Variants in ODF2L observed in about 807,000 individuals in gnomAD.
ODF2L encodes the protein protein BCAP.
A neutral mutation model predicts 86.3 loss-of-function variants in ODF2L; 76 were observed. That is an observed-to-expected ratio of 0.88 (90% CI 0.73 to 1.07). The LOEUF (loss-of-function observed/expected upper bound fraction) is 1.07. ODF2L is among the 50% of genes least tolerant of loss of function. The pLI is 0.00. For missense variants in ODF2L, 748 were observed against 717.4 expected (o/e 1.04, Z -0.49); for synonymous variants, 241 against 231.3 (o/e 1.04, Z -0.38).
chr1:86,380,138 A>G (rs1660464313), intron 7 of ODF2L, among the ~76,000 whole-genome samples: 1 of 152,150 alleles, frequency 6.6e-6, no homozygotes. Flanking sequence ...TTAGAAAGCC[A>G]TTTTAATTTT....
Position 86,382,893 on chromosome 1 carries a change from T to C in ODF2L, c.507+38A>G, listed in dbSNP as rs368164829. ...GGAAAAAAAAGGGAGTCAATATTAA[T>C]ATAATGAATTAAGCTCAAAAGCTCA... On this transcript the variant is annotated intron_variant, in intron 6 of 17. Coordinates refer to ENST00000317336, the Ensembl canonical transcript of ODF2L. 327 of 977,040 alleles carry C rather than the reference T, an allele frequency of 3.3e-4. 6 individuals carry two copies. In the South Asian group the frequency reaches 4.3e-3, roughly 13 times the overall value. The allele number at this position is 977,040 out of a possible 1,614,324, so 60.5% of individuals were successfully genotyped here.
intron 11 of ODF2L, among the ~76,000 whole-genome samples, chr1:86,362,468 G>C (rs896981179): frequency 1.3e-5 from 2 of 151,390 alleles, no homozygotes; most frequent in African/African-American, 4.9e-5. Flanking sequence ...TTCAAAAATT[G>C]TTTGTAGACA....
At chr1:86,374,616 T>G (rs940122512) in intron 8 of ODF2L, among the ~76,000 whole-genome samples, 1 of 152,176 alleles carries the variant, frequency 6.6e-6, no homozygotes, top group African/African-American at 2.4e-5. Context: ...TCTCTCGTAC[T>G]TTCCAAATCC....
At chr1:86,352,706 T>A (rs1230079342) in intron 17 of ODF2L, among the ~76,000 whole-genome samples, 153 bp downstream of exon 16, 1 of 152,164 alleles carries the variant, frequency 6.6e-6, no homozygotes, top group African/African-American at 2.4e-5. Context: ...ATTTGGCATA[T>A]CATAACATTT....
In ODF2L at chr1:86,383,139, T is replaced by C. The variant is rs769989132; in HGVS notation, c.430A>G (p.Asn144Asp). 4 of 1,562,596 alleles carry C rather than the reference T, an allele frequency of 2.6e-6. No homozygotes were observed. In the African/African-American group the frequency reaches 5.5e-5, roughly 21 times the overall value. The change falls in exon 5 of 18, where the codon AAT (asparagine) becomes GAT (aspartate). Residue 144 changes from asparagine (N) to aspartate (D), a missense_variant. Transcript: ENST00000317336. ...GTAAGTGTGGAAAGACTTACAGTATTTTCACTTTCATTATCAGTTAGATTT... is the reference window on the plus strand; with the variant it reads ...GTAAGTGTGGAAAGACTTACAGTATCTTCACTTTCATTATCAGTTAGATTT...
intron 1 of ODF2L, among the ~76,000 whole-genome samples, chr1:86,388,361 T>C (rs1283040829): frequency 1.3e-5 from 2 of 152,098 alleles, no homozygotes. Flanking sequence ...TCAGTTGCAA[T>C]AGCTATCCCC....
Position 86,382,835 on chromosome 1 carries a change from T to C in ODF2L, c.507+96A>G. The C allele has an allele frequency of 4.3e-6, 3 of 694,926 alleles. No individual in the cohort carries two copies. In the East Asian group the frequency reaches 7.8e-5, roughly 18 times the overall value. 43.0% of individuals were successfully genotyped at this position (694,926 alleles called of 1,614,324 possible). A position where few individuals can be genotyped will look rare whatever the true frequency, so the allele number is the denominator to read the frequency against. ...AATCTAGAATTTCAAAACACTTTTCTGTGTTTATTTCTGAGGAGTTGGGGC... is the reference window on the plus strand; with the variant it reads ...AATCTAGAATTTCAAAACACTTTTCCGTGTTTATTTCTGAGGAGTTGGGGC... On this transcript the variant is annotated intron_variant, in intron 6 of 17. Transcript: ENST00000317336.
intron 7 of ODF2L, among the ~76,000 whole-genome samples, chr1:86,378,009 T>C (rs772098555): frequency 6.6e-6 from 1 of 152,262 alleles, no homozygotes; most frequent in Non-Finnish European, 1.5e-5. Flanking sequence ...TTATGCTCTG[T>C]TTCCCTTTTA....
At chr1:86,364,740 T>C (rs1404805001) in intron 11 of ODF2L, among the ~76,000 whole-genome samples, 1 of 152,132 alleles carries the variant, frequency 6.6e-6, no homozygotes, top group African/African-American at 2.4e-5. Context: ...CCAGCCTCTA[T>C]TCTAGATCAT....
At chr1:86,357,100 G>C (rs897474192) in intron 13 of ODF2L, among the ~76,000 whole-genome samples, 1 of 152,138 alleles carries the variant, frequency 6.6e-6, no homozygotes, top group Non-Finnish European at 1.5e-5. Context: ...AGTATCATCA[G>C]TTCTCACTTG....
Position 86,382,929 on chromosome 1 carries a change from A to T in ODF2L, c.507+2T>A. 6.6e-7 allele frequency: 1 copy of T among 1,504,500 alleles called. No individual in the cohort carries two copies. Among genetic ancestry groups the T allele is most frequent in the Non-Finnish European group, 9.2e-7 (1 of 1,084,210 alleles). 93.2% of individuals were successfully genotyped at this position (1,504,500 alleles called of 1,614,324 possible). A position where few individuals can be genotyped will look rare whatever the true frequency, so the allele number is the denominator to read the frequency against. ...AAGCTCAAAAGCTCAAATTTTGCTT[A>T]CCTTTTCACTCTGAAACAAACAAGA... On this transcript the variant is annotated splice_donor_variant, in intron 6 of 17. Coordinates refer to ENST00000317336, the Ensembl canonical transcript of ODF2L. LOFTEE classifies it high-confidence loss of function.
At chr1:86,354,635 T>G (rs755536989) in exon 16 of ODF2L, 29 of 1,612,640 alleles carry the variant, frequency 1.8e-5, no homozygotes, top group Non-Finnish European at 2.1e-5. Context: ...GACATTCTTC[T>G]TGGTTTGCCA....
intron 1 of ODF2L, among the ~76,000 whole-genome samples, chr1:86,393,329 T>C (rs1661458611): frequency 6.6e-6 from 1 of 152,100 alleles, no homozygotes; most frequent in African/African-American, 2.4e-5. Context: ...ATCCTCTTTT[T>C]TTCCCCCTAC....
chr1:86,352,738 G>T, intron 17 of ODF2L, 121 bp downstream of exon 16: 1 of 601,070 alleles, frequency 1.7e-6, no homozygotes, highest in East Asian at 3.2e-5. Flanking sequence ...GTCTTATATT[G>T]CTTGTTATTT....
intron 11 of ODF2L, among the ~76,000 whole-genome samples, chr1:86,362,965 T>G (rs563597704): frequency 6.6e-6 from 1 of 152,138 alleles, no homozygotes; most frequent in African/African-American, 2.4e-5. Context: ...CTGACTACAT[T>G]TTTATAGAAA....
At chr1:86,374,737 C>A (rs892206239) in intron 8 of ODF2L, among the ~76,000 whole-genome samples, 1 of 152,180 alleles carries the variant, frequency 6.6e-6, no homozygotes, top group Non-Finnish European at 1.5e-5. Context: ...TAGTGACCTT[C>A]TAATTACCAA....
At position 86,353,934 on chromosome 1, in the gene ODF2L, TG is replaced by T. The variant is rs543835422; in HGVS notation, c.1767+595del. ...AGAAAGGAGAGGGCAGACATACCTC[TG>T]GGACTCTGAACTCTTCCTTTCAGGA... On this transcript the variant is annotated intron_variant, in intron 16 of 17. Coordinates refer to ENST00000317336, the Ensembl canonical transcript of ODF2L. Among the ~76,000 whole-genome samples, 769 of 152,318 alleles carry T rather than the reference TG, an allele frequency of 5.0e-3. 5 individuals are homozygous for T. Among genetic ancestry groups the T allele is most frequent in the Admixed American group, 0.013 (198 of 15,300 alleles).
intron 1 of ODF2L, among the ~76,000 whole-genome samples, chr1:86,393,851 T>C (rs899499611): frequency 1.3e-5 from 2 of 152,202 alleles, no homozygotes; most frequent in South Asian, 4.1e-4. Context: ...GTGGGGAGCA[T>C]AGATTAGGTT....
intron 16 of ODF2L, 84 bp from the exon 16 acceptor site, chr1:86,353,068 T>C: frequency 1.2e-6 from 1 of 854,112 alleles, no homozygotes; most frequent in Non-Finnish European, 1.8e-6. Context: ...GTACCTTTTT[T>C]CTAAACAGAT....
Sources: allele counts gnomAD v4.1 joint callset (sites outside exome capture counted in the v4.1 genomes callset), GRCh38; gene constraint gnomAD v4.1.1; transcripts MANE v1.5; gene names NCBI Gene and HGNC (gene_info 2026-07-23, HGNC 2026-07-21).